The following RBMS3 variants were observed in gnomAD, a reference collection of about 807,000 sequenced individuals.
RBMS3 encodes RNA-binding motif, single-stranded-interacting protein 3.
Under a neutral mutation model 66.8 loss-of-function variants are expected in RBMS3, and 27 were observed. That is an observed-to-expected ratio of 0.40 (90% CI 0.30 to 0.56). RBMS3 has a LOEUF of 0.56. Among genes scored for constraint, RBMS3 ranks in the 20% least tolerant of loss-of-function variants. The probability of loss-of-function intolerance (pLI) is 0.40; values close to 1 mark genes in which losing one functional copy is unlikely to be tolerated. For missense variants in RBMS3, 513 were observed against 549.5 expected (o/e 0.93, Z 0.66); for synonymous variants, 188 against 183.0 (o/e 1.03, Z -0.22).
At chr3:29,341,117 G>T (rs946134676) in intron 1 of RBMS3, among the ~76,000 whole-genome samples, 1 of 151,876 alleles carries the variant, frequency 6.6e-6, no homozygotes, top group African/African-American at 2.4e-5. Flanking sequence ...AAAAATCCCT[G>T]TATTTGTAGA....
intron 3 of RBMS3, among the ~76,000 whole-genome samples, chr3:29,577,781 C>A (rs1317606434): frequency 2.6e-5 from 4 of 152,172 alleles, no homozygotes; most frequent in Non-Finnish European, 4.4e-5. Flanking sequence ...GGCTCACTAC[C>A]TGTGGTGTTG....
chr3:29,988,776 G>A (rs954675220), intron 13 of RBMS3, among the ~76,000 whole-genome samples: 1 of 152,012 alleles, frequency 6.6e-6, no homozygotes, highest in Non-Finnish European at 1.5e-5. Flanking sequence ...AGGAAGATCA[G>A]AAGGAAGAAA....
At chr3:29,635,938 C>T (rs1021576578) in intron 4 of RBMS3, among the ~76,000 whole-genome samples, 1 of 151,582 alleles carries the variant, frequency 6.6e-6, no homozygotes, top group Non-Finnish European at 1.5e-5. Flanking sequence ...CCACAGAAAG[C>T]AAAACTAAGA....
chr3:29,436,743 T>C (rs1249833348), intron 2 of RBMS3, among the ~76,000 whole-genome samples: 1 of 152,220 alleles, frequency 6.6e-6, no homozygotes, highest in African/African-American at 2.4e-5. Context: ...TTACCACTTG[T>C]AGAGCCTGTT....
chr3:29,931,692 C>A (rs1231879776), intron 10 of RBMS3, among the ~76,000 whole-genome samples: 3 of 151,966 alleles, frequency 2.0e-5, no homozygotes, highest in African/African-American at 7.2e-5. Context: ...ATTAGACATC[C>A]CTACATATAC....
chr3:29,464,868 C>T (rs545210274), intron 2 of RBMS3, among the ~76,000 whole-genome samples: 1 of 152,252 alleles, frequency 6.6e-6, no homozygotes, highest in African/African-American at 2.4e-5. Flanking sequence ...GTATTTCAAT[C>T]ATGGCCACTC....
At chr3:29,300,853 A>G (rs1215283102) in intron 1 of RBMS3, among the ~76,000 whole-genome samples, 1 of 151,976 alleles carries the variant, frequency 6.6e-6, no homozygotes, top group Non-Finnish European at 1.5e-5. Context: ...GAGAAGTAAC[A>G]TATATAGAAA....
At chr3:29,527,267 C>T (rs1180442222) in intron 3 of RBMS3, among the ~76,000 whole-genome samples, 1 of 143,236 alleles carries the variant, frequency 7.0e-6, no homozygotes, top group African/African-American at 2.6e-5. Flanking sequence ...AGCTTCAGTA[C>T]TAAAATACAG....
chr3:29,834,332 C>G (rs1408810067), intron 6 of RBMS3, among the ~76,000 whole-genome samples: 1 of 151,952 alleles, frequency 6.6e-6, no homozygotes, highest in Non-Finnish European at 1.5e-5. Flanking sequence ...GTGTTAATTA[C>G]TTATGACTCT....
At chr3:29,470,204 G>A (rs2042676513) in intron 2 of RBMS3, among the ~76,000 whole-genome samples, 1 of 151,746 alleles carries the variant, frequency 6.6e-6, no homozygotes, top group South Asian at 2.1e-4. Flanking sequence ...TAATGATGCG[G>A]AAAATGCATG....
At chr3:29,856,850 C>T (rs1240801302) in intron 6 of RBMS3, among the ~76,000 whole-genome samples, 1 of 152,098 alleles carries the variant, frequency 6.6e-6, no homozygotes, top group Non-Finnish European at 1.5e-5. Flanking sequence ...TAGATGTTTA[C>T]AGCACAAATG....
intron 4 of RBMS3, among the ~76,000 whole-genome samples, chr3:29,722,708 C>T (rs1018284821): frequency 6.6e-6 from 1 of 152,022 alleles, no homozygotes; most frequent in Non-Finnish European, 1.5e-5. Flanking sequence ...TAGAGCATCC[C>T]TACCTTAGAT....
At chr3:29,785,188 C>A (rs1443346497) in intron 6 of RBMS3, among the ~76,000 whole-genome samples, 1 of 151,934 alleles carries the variant, frequency 6.6e-6, no homozygotes, top group Non-Finnish European at 1.5e-5. Context: ...CACCCTAATA[C>A]CAAAACCAGG....
intron 1 of RBMS3, among the ~76,000 whole-genome samples, chr3:29,425,834 T>A (rs180967398): frequency 5.6e-4 from 85 of 152,326 alleles, no homozygotes; most frequent in African/African-American, 2.0e-3. Context: ...ATAAAGAGTT[T>A]CTGGTGACCT....
At chr3:29,954,652 G>T (rs1695903715) in intron 12 of RBMS3, among the ~76,000 whole-genome samples, 1 of 151,922 alleles carries the variant, frequency 6.6e-6, no homozygotes, top group Non-Finnish European at 1.5e-5. Flanking sequence ...AGGTGTTTTG[G>T]TGCACTCTAT....
chr3:29,879,871 A>G (rs2059696753), intron 7 of RBMS3, among the ~76,000 whole-genome samples: 1 of 152,088 alleles, frequency 6.6e-6, no homozygotes. Context: ...CTCCTCAACT[A>G]AGACCAAGCA....
chr3:29,685,005 T>A (rs565007295), intron 4 of RBMS3, among the ~76,000 whole-genome samples: 1 of 152,202 alleles, frequency 6.6e-6, no homozygotes, highest in Non-Finnish European at 1.5e-5. Flanking sequence ...ATAAGTTTTA[T>A]ATTTTTCAGG....
chr3:29,797,454 C>A (rs1195702635), intron 6 of RBMS3, among the ~76,000 whole-genome samples: 5 of 152,148 alleles, frequency 3.3e-5, no homozygotes, highest in African/African-American at 1.2e-4. Flanking sequence ...CTATCCAGAC[C>A]ACTAAAACTT....
At chr3:29,875,333 C>T (rs950310695) in intron 7 of RBMS3, among the ~76,000 whole-genome samples, 5 of 152,126 alleles carry the variant, frequency 3.3e-5, no homozygotes, top group South Asian at 2.1e-4. Flanking sequence ...TATCTAGCTG[C>T]CCAGGCTCAT....
Sources: gnomAD v4.1 joint callset for allele counts (sites outside exome capture counted in the v4.1 genomes callset) on GRCh38, gnomAD v4.1.1 for gene constraint, MANE v1.5 for transcripts, NCBI Gene and HGNC (gene_info 2026-07-23, HGNC 2026-07-21) for gene names.